CTSS: variants seen among roughly 807,000 people sequenced by gnomAD.
CTSS encodes cathepsin S.
In CTSS, 15 loss-of-function variants were observed where a neutral mutation model predicts 39.9. The ratio of observed to expected loss-of-function variants is 0.38; its 90% confidence interval spans 0.25 to 0.58. The LOEUF (loss-of-function observed/expected upper bound fraction) is 0.58, where lower values mean the gene tolerates loss of function less well. Ranked by LOEUF, CTSS falls within the 20% of genes least tolerant of loss-of-function variation. The probability of loss-of-function intolerance (pLI) is 0.70; values close to 1 mark genes in which losing one functional copy is unlikely to be tolerated. For synonymous variants in CTSS, 126 were observed against 138.2 expected (o/e 0.91, Z 0.62); for missense variants, 250 against 398.2 (o/e 0.63, Z 3.17).
chr1:150,748,004 G>A, intron 6 of CTSS, 125 bp from the exon 7 acceptor site: 1 of 672,184 alleles, frequency 1.5e-6, no homozygotes, highest in South Asian at 2.0e-5. Context: ...AAAAAGTTAA[G>A]GACATGTCCA....
chr1:150,752,470 A>G (rs1653027292), intron 4 of CTSS, among the ~76,000 whole-genome samples: 1 of 152,246 alleles, frequency 6.6e-6, no homozygotes, highest in Admixed American at 6.5e-5. Flanking sequence ...TGTTATCTTC[A>G]GAATTTTTTT....
chr1:150,744,595 G>A (rs1247387842), intron 7 of CTSS, among the ~76,000 whole-genome samples: 5 of 117,046 alleles, frequency 4.3e-5, no homozygotes, highest in African/African-American at 1.6e-4. Flanking sequence ...TATTATATAT[G>A]TATATTATGT....
At chr1:150,752,098 C>G (rs1198660080) in intron 4 of CTSS, 90 bp from the exon 5 acceptor site, 1 of 1,299,546 alleles carries the variant, frequency 7.7e-7, no homozygotes, top group Non-Finnish European at 1.1e-6. Flanking sequence ...TCAGCTACAT[C>G]AGTTCTGTCC....
intron 7 of CTSS, among the ~76,000 whole-genome samples, chr1:150,741,948 AAG>A (rs1425808971): frequency 6.6e-6 from 1 of 152,104 alleles, no homozygotes; most frequent in Non-Finnish European, 1.5e-5. Flanking sequence ...GCTTCCAAGA[AAG>A]AGAATAGGCA....
chr1:150,749,402 A>T (rs922715629), intron 6 of CTSS, among the ~76,000 whole-genome samples: 1 of 152,212 alleles, frequency 6.6e-6, no homozygotes, highest in Non-Finnish European at 1.5e-5. Flanking sequence ...ATACAAGAGT[A>T]AGCCAGCCCA....
intron 5 of CTSS, among the ~76,000 whole-genome samples, chr1:150,750,387 A>C (rs1281003253): frequency 6.6e-6 from 1 of 152,190 alleles, no homozygotes; most frequent in Non-Finnish European, 1.5e-5. Flanking sequence ...AATTGTGAAC[A>C]TCCTCATACA....
intron 2 of CTSS, among the ~76,000 whole-genome samples, chr1:150,761,024 C>T (rs1038378500): frequency 9.9e-5 from 15 of 151,186 alleles, no homozygotes; most frequent in African/African-American, 3.4e-4. Flanking sequence ...ACTAAAAACA[C>T]AAAAATTAGC....
rs1008560081 is a variant in CTSS at position 150,749,608 on chromosome 1, C to G, written c.793+398G>C. Among the ~76,000 whole-genome samples, 361 of 145,326 alleles carry G rather than the reference C, an allele frequency of 2.5e-3. 3 individuals are homozygous for G. Among genetic ancestry groups the G allele is most frequent in the African/African-American group, 8.6e-3 (336 of 39,168 alleles). ...CCCCGCCCCGCCCCACCTTGCCCTG[C>G]CCTGCCCTGCCCTGCCCCTCTTTCT... On this transcript the variant is annotated intron_variant, in intron 6 of 7. Transcript: ENST00000368985.
At chr1:150,749,780 G>T (rs111672603) in intron 6 of CTSS, among the ~76,000 whole-genome samples, 102 of 151,606 alleles carry the variant, frequency 6.7e-4, no homozygotes, top group African/African-American at 2.4e-3. Context: ...CTCCCAAGTA[G>T]CTGAGACTAC....
chr1:150,740,867 G>A (rs1652737384), intron 7 of CTSS, among the ~76,000 whole-genome samples: 2 of 151,008 alleles, frequency 1.3e-5, no homozygotes, highest in South Asian at 2.1e-4. Flanking sequence ...GCTTATTTTT[G>A]TATAGAGATG....
intron 3 of CTSS, among the ~76,000 whole-genome samples, chr1:150,756,307 C>G (rs2101923697): frequency 6.6e-6 from 1 of 152,282 alleles, no homozygotes; most frequent in Middle Eastern, 3.4e-3. Context: ...CCTGAAGGAC[C>G]TGCCTGAGGC....
At chr1:150,748,096 C>T (rs1557811265) in intron 6 of CTSS, 1 of 397,058 alleles carries the variant, frequency 2.5e-6, no homozygotes, top group East Asian at 5.0e-5. Flanking sequence ...TCGAGACCAT[C>T]CTGGCCAACA....
rs765388826 is a variant in CTSS at position 150,750,183 on chromosome 1, A to G, written c.628-12T>C. 1 of 1,598,792 alleles carries G rather than the reference A, an allele frequency of 6.3e-7. No individual in the cohort carries two copies. Among genetic ancestry groups the G allele is most frequent in the Non-Finnish European group, 8.6e-7 (1 of 1,168,302 alleles). On this transcript the variant is annotated splice_polypyrimidine_tract_variant and intron_variant, in intron 5 of 7. Coordinates refer to ENST00000368985, the MANE Select transcript of CTSS (RefSeq NM_004079.5). ...TGACATTTCTGATCCTGCAAAAAGA[A>G]GTATAAATATGATGAAGTATACTTC...
intron 7 of CTSS, among the ~76,000 whole-genome samples, chr1:150,740,526 G>A (rs1170926508): frequency 3.9e-5 from 6 of 152,004 alleles, no homozygotes; most frequent in Non-Finnish European, 8.8e-5. Flanking sequence ...GAGTAGCTGG[G>A]ACTACAGGCA....
At chr1:150,754,708 G>C (rs144736160) in intron 4 of CTSS, among the ~76,000 whole-genome samples, 2 of 152,166 alleles carry the variant, frequency 1.3e-5, no homozygotes, top group African/African-American at 2.4e-5. Flanking sequence ...TATTATAGGC[G>C]TGAGTGCCTG....
chr1:150,737,073 G>A lies in CTSS; in HGVS notation c.897-3928C>T, dbSNP rs1652650012. ...TATTTTTATTATTATCCAGGTATGAGTACATCAGATTGGACTCAAGTAGAG... is the reference window on the plus strand; with the variant it reads ...TATTTTTATTATTATCCAGGTATGAATACATCAGATTGGACTCAAGTAGAG... On this transcript the variant is annotated intron_variant, in intron 7 of 7. Transcript: ENST00000368985. Among the ~76,000 whole-genome samples the A allele has an allele frequency of 2.0e-5, 3 of 151,942 alleles. No individual in the cohort carries two copies. The South Asian group carries it at 6.2e-4, about 32-fold the overall frequency.
intron 2 of CTSS, among the ~76,000 whole-genome samples, chr1:150,759,226 G>A (rs1186595856): frequency 6.6e-6 from 1 of 151,828 alleles, no homozygotes; most frequent in African/African-American, 2.4e-5. Flanking sequence ...CTGGGTGTAG[G>A]TTTCTTTATT....
intron 1 of CTSS, 133 bp from the exon 2 acceptor site, chr1:150,764,897 A>C (rs1653340540): frequency 9.6e-7 from 1 of 1,040,442 alleles, no homozygotes; most frequent in Admixed American, 2.4e-5. Flanking sequence ...TTATACAGGA[A>C]AATTCCTGGG....
At chr1:150,754,131 T>A (rs1416722859) in intron 4 of CTSS, among the ~76,000 whole-genome samples, 1 of 128,266 alleles carries the variant, frequency 7.8e-6, no homozygotes, top group African/African-American at 2.8e-5. Flanking sequence ...TTTTTTTTTT[T>A]AAGACAGGGT....
Sources: gnomAD v4.1 joint callset for allele counts (sites outside exome capture counted in the v4.1 genomes callset) on GRCh38, gnomAD v4.1.1 for gene constraint, MANE v1.5 for transcripts, NCBI Gene and HGNC (gene_info 2026-07-23, HGNC 2026-07-21) for gene names.